ROBO1: variants seen among roughly 807,000 people sequenced by gnomAD.
ROBO1 encodes roundabout guidance receptor 1, also known as roundabout homolog 1.
In ROBO1, 149 loss-of-function variants were observed where a neutral mutation model predicts 195.9. The ratio of observed to expected loss-of-function variants is 0.76; its 90% CI spans 0.67 to 0.87. ROBO1 has a LOEUF of 0.87. Ranked by LOEUF, ROBO1 falls within the 40% of genes least tolerant of loss-of-function variation. ROBO1 has a pLI of 0.00. For missense variants in ROBO1, 1,933 were observed against 2,068.3 expected (o/e 0.93, Z 1.27); for synonymous variants, 816 against 733.2 (o/e 1.11, Z -1.82).
At chr3:78,838,483 GA>G in intron 4 of ROBO1, among the ~76,000 whole-genome samples, 1 of 152,298 alleles carries the variant, frequency 6.6e-6, no homozygotes, top group South Asian at 2.1e-4. Flanking sequence ...TGGAAAAGTT[GA>G]AGACTGGGCA....
At chr3:79,767,090 C>T (rs1705038468) in intron 1 of ROBO1, among the ~76,000 whole-genome samples, 1 of 152,122 alleles carries the variant, frequency 6.6e-6, no homozygotes, top group Non-Finnish European at 1.5e-5. Flanking sequence ...TGTCAAAAGT[C>T]CCCACTGCCT....
chr3:79,499,141 C>T (rs1450504380), intron 2 of ROBO1, among the ~76,000 whole-genome samples: 3 of 152,044 alleles, frequency 2.0e-5, no homozygotes, highest in Admixed American at 1.3e-4. Context: ...ATTACAGGCA[C>T]GCACCACCAC....
intron 2 of ROBO1, among the ~76,000 whole-genome samples, chr3:79,513,113 T>C (rs1940788417): frequency 1.3e-5 from 2 of 151,952 alleles, no homozygotes; most frequent in South Asian, 2.1e-4. Flanking sequence ...AGATAACAAA[T>C]AGCCAAAAGG....
intron 4 of ROBO1, among the ~76,000 whole-genome samples, chr3:78,782,852 T>C (rs1387690868): frequency 1.3e-5 from 2 of 152,166 alleles, no homozygotes; most frequent in South Asian, 2.1e-4. Context: ...AATTTGACTG[T>C]TTCATCTTTA....
intron 2 of ROBO1, among the ~76,000 whole-genome samples, chr3:79,259,288 C>A (rs559832615): frequency 6.6e-6 from 1 of 152,096 alleles, no homozygotes; most frequent in Non-Finnish European, 1.5e-5. Flanking sequence ...GCATGCAACA[C>A]CATGCCCAGT....
intron 1 of ROBO1, among the ~76,000 whole-genome samples, chr3:79,729,133 T>C (rs892178416): frequency 4.6e-5 from 7 of 152,216 alleles, no homozygotes; most frequent in African/African-American, 7.2e-5. Context: ...GTTTGAATAT[T>C]TGTATTATGT....
intron 4 of ROBO1, among the ~76,000 whole-genome samples, chr3:78,839,898 C>A (rs1407800742): frequency 1.3e-5 from 2 of 152,174 alleles, no homozygotes; most frequent in Admixed American, 1.3e-4. Context: ...CCTATGAATT[C>A]ATGAATCATC....
chr3:78,814,623 C>G (rs1030663701), intron 4 of ROBO1, among the ~76,000 whole-genome samples: 2 of 151,950 alleles, frequency 1.3e-5, no homozygotes, highest in Admixed American at 1.3e-4. Flanking sequence ...CAGGCCAGCC[C>G]GCTCATAAAC....
chr3:79,481,439 T>C (rs1327174449), intron 2 of ROBO1, among the ~76,000 whole-genome samples: 2 of 152,192 alleles, frequency 1.3e-5, no homozygotes, highest in Non-Finnish European at 2.9e-5. Flanking sequence ...ATTCTGTGAA[T>C]AGCCTAGGAG....
chr3:79,455,429 T>C (rs1210035131), intron 2 of ROBO1, among the ~76,000 whole-genome samples: 2 of 152,142 alleles, frequency 1.3e-5, no homozygotes, highest in Non-Finnish European at 2.9e-5. Flanking sequence ...TTGTGAGGTG[T>C]GTAATTTTAA....
At chr3:79,762,412 G>A (rs905128253) in intron 1 of ROBO1, among the ~76,000 whole-genome samples, 5 of 152,024 alleles carry the variant, frequency 3.3e-5, no homozygotes, top group Admixed American at 1.3e-4. Context: ...AGAACATAGC[G>A]CAGTCTCATA....
intron 1 of ROBO1, among the ~76,000 whole-genome samples, chr3:79,653,983 T>G (rs1170646811): frequency 2.6e-5 from 4 of 151,996 alleles, no homozygotes; most frequent in Non-Finnish European, 5.9e-5. Context: ...GCCTCTCTGT[T>G]GAATATTGAA....
At chr3:79,302,510 G>A (rs1209053841) in intron 2 of ROBO1, among the ~76,000 whole-genome samples, 5 of 152,164 alleles carry the variant, frequency 3.3e-5, no homozygotes, top group Admixed American at 3.3e-4. Context: ...TACATTCTGT[G>A]TAGGGGTAGC....
chr3:79,342,380 G>A (rs2034942024), intron 2 of ROBO1, among the ~76,000 whole-genome samples: 1 of 152,122 alleles, frequency 6.6e-6, no homozygotes, highest in East Asian at 1.9e-4. Flanking sequence ...TGAAGTTATA[G>A]AAAAAGGGAG....
intron 2 of ROBO1, among the ~76,000 whole-genome samples, chr3:79,465,180 T>A (rs1937893347): frequency 6.6e-6 from 1 of 152,306 alleles, no homozygotes; most frequent in Admixed American, 6.5e-5. Context: ...ATGAAAATAC[T>A]GAGGTTATCT....
At chr3:79,563,098 G>A (rs1419549945) in intron 2 of ROBO1, among the ~76,000 whole-genome samples, 2 of 151,988 alleles carry the variant, frequency 1.3e-5, no homozygotes, top group African/African-American at 4.8e-5. Flanking sequence ...ACTATATAAA[G>A]TGTCAAAGCA....
At chr3:78,790,061 C>G (rs138841177) in intron 4 of ROBO1, among the ~76,000 whole-genome samples, 2 of 152,214 alleles carry the variant, frequency 1.3e-5, no homozygotes, top group East Asian at 3.9e-4. Context: ...GTCCACATAC[C>G]ATGAACCTTG....
At chr3:79,355,267 T>A (rs2035505308) in intron 2 of ROBO1, among the ~76,000 whole-genome samples, 1 of 152,088 alleles carries the variant, frequency 6.6e-6, no homozygotes, top group Non-Finnish European at 1.5e-5. Flanking sequence ...TAAATTTTAT[T>A]TTTGTTATTT....
intron 2 of ROBO1, among the ~76,000 whole-genome samples, chr3:79,428,887 TG>T (rs1260734200): frequency 6.6e-6 from 1 of 151,986 alleles, no homozygotes; most frequent in African/African-American, 2.4e-5. Context: ...AGCTACTGAT[TG>T]AAAAATGTAA....
Sources: allele counts gnomAD v4.1 joint callset (sites outside exome capture counted in the v4.1 genomes callset), GRCh38; gene constraint gnomAD v4.1.1; transcripts MANE v1.5; gene names NCBI Gene and HGNC (gene_info 2026-07-23, HGNC 2026-07-21).